SHCBP1L: variants seen among roughly 807,000 people sequenced by gnomAD.
The protein encoded by SHCBP1L is testicular spindle-associated protein SHCBP1L.
A neutral mutation model predicts 62.5 loss-of-function variants in SHCBP1L; 67 were observed. The ratio of observed to expected loss-of-function variants is 1.07; its 90% confidence interval spans 0.88 to 1.31. The LOEUF (loss-of-function observed/expected upper bound fraction) is 1.31, where lower values mean the gene tolerates loss of function less well. Among genes scored for constraint, SHCBP1L ranks in the 40% most tolerant of loss-of-function variants. The pLI, the probability that SHCBP1L is intolerant of heterozygous loss-of-function variation, is 0.00. For missense variants in SHCBP1L, 823 were observed against 809.8 expected (o/e 1.02, Z -0.20); for synonymous variants, 284 against 289.4 (o/e 0.98, Z 0.19).
intron 6 of SHCBP1L, among the ~76,000 whole-genome samples, chr1:182,922,515 C>T (rs1231756038): frequency 6.6e-6 from 1 of 150,916 alleles, no homozygotes; most frequent in East Asian, 1.9e-4. Flanking sequence ...GATCATGCCA[C>T]TGCACTCCAG....
intron 6 of SHCBP1L, among the ~76,000 whole-genome samples, chr1:182,919,629 G>A (rs1460121924): frequency 6.6e-6 from 1 of 152,124 alleles, no homozygotes; most frequent in Non-Finnish European, 1.5e-5. Flanking sequence ...AAAAGCCTAG[G>A]CACCATGCAT....
intron 6 of SHCBP1L, among the ~76,000 whole-genome samples, chr1:182,926,345 T>C (rs1223574063): frequency 6.6e-6 from 1 of 152,206 alleles, no homozygotes; most frequent in South Asian, 2.1e-4. Context: ...TTTTCAGACA[T>C]GGTTATCACC....
chr1:182,904,332 A>G lies in SHCBP1L; in HGVS notation c.1435T>C (p.Leu479=). The part of the protein sequence containing the change: ...ADNVKLMHLS[L]IQQGTVDGIV... ...CCATCAACCGTCCCTTGTTGTATCA[A>G]AGATAGATGCATTAGTTTCACATTG... The change falls in exon 8 of 10, where the codon TTG becomes CTG. Residue 479 remains leucine, a synonymous_variant. Transcript: ENST00000367547. 1.2e-6 allele frequency: 2 copies of G among 1,614,202 alleles called. No individual in the cohort carries two copies. The highest frequency in any genetic ancestry group is 2.2e-5 in the South Asian group (2 of 91,088).
intron 6 of SHCBP1L, among the ~76,000 whole-genome samples, chr1:182,906,887 G>T (rs997258628): frequency 1.3e-5 from 2 of 149,226 alleles, no homozygotes; most frequent in African/African-American, 4.9e-5. Flanking sequence ...GCACGATCAT[G>T]GCTCACTGCA....
intron 2 of SHCBP1L, chr1:182,950,500 C>A (rs1651710839): frequency 6.6e-6 from 1 of 151,768 alleles, no homozygotes; most frequent in African/African-American, 2.4e-5. Context: ...ACCAGCCTGG[C>A]CAACAGGGTT....
chr1:182,906,788 A>G (rs753371338), intron 6 of SHCBP1L, among the ~76,000 whole-genome samples: 51 of 152,140 alleles, frequency 3.4e-4, no homozygotes, highest in Admixed American at 5.9e-4. Flanking sequence ...GAGGAGATAA[A>G]TTTGTTATTA....
rs751667081 is a variant in SHCBP1L, at chr1:182,951,316, A to C, written c.555+2T>G. On this transcript the variant is annotated splice_donor_variant, in intron 2 of 9. Transcript: ENST00000367547. LOFTEE classifies it high-confidence loss of function. Reference sequence around the variant, plus strand: ...AACAAAGATCAAATAAAATTTATTTACCTCAACCAATATACCAACAAAAGG... The same window carrying C: ...AACAAAGATCAAATAAAATTTATTTCCCTCAACCAATATACCAACAAAAGG... The C allele has an allele frequency of 2.6e-6, 4 of 1,536,706 alleles. No homozygotes were observed. Among genetic ancestry groups the C allele is most frequent in the Non-Finnish European group, 3.5e-6 (4 of 1,143,210 alleles).
intron 6 of SHCBP1L, among the ~76,000 whole-genome samples, chr1:182,919,443 G>A (rs1650459187): frequency 6.6e-6 from 1 of 152,062 alleles, no homozygotes; most frequent in African/African-American, 2.4e-5. Flanking sequence ...CATTTGTGAG[G>A]GCCCTATCCT....
Position 182,939,509 on chromosome 1 carries a change from C to T in SHCBP1L, c.815G>A (p.Ser272Asn). The T allele has an allele frequency of 1.2e-6, 2 of 1,608,840 alleles. No homozygotes were observed. The highest frequency in any genetic ancestry group is 2.2e-5 in the East Asian group (1 of 44,704). ...AATAAGTGCAGTATAATTCTCACAA[C>T]TTTCTTCATCATCCCAGTCTCTCCA... ...FLWRDWDDEESCENYTALIEE... is the reference protein window; with the variant it reads ...FLWRDWDDEENCENYTALIEE... Residue 272 changes from serine (S) to asparagine (N), a missense_variant, in exon 4 of 10, where the codon AGT (serine) becomes AAT (asparagine). Coordinates refer to ENST00000367547, the MANE Select transcript of SHCBP1L (RefSeq NM_030933.4).
In SHCBP1L at chr1:182,940,393, C is replaced by A. The variant is rs1312466588; in HGVS notation, c.706G>T (p.Val236Leu). 1.2e-6 allele frequency: 2 copies of A among 1,613,998 alleles called. No individual in the cohort carries two copies. The highest frequency in any genetic ancestry group is 1.7e-5 in the Admixed American group (1 of 60,008). Residue 236 changes from valine to leucine, a missense_variant, in exon 3 of 10, where the codon GTG becomes TTG. Physicochemically the swap from Val to Leu is conservative, Grantham distance 32 (BLOSUM62 1). Transcript: ENST00000367547. ...GTATCTTGTCCCTCAACAGGATACA[C>A]TTCCAAAAGAGGCACACTGTGTTCC... ...ELEHSVPLLEVYPVEGQDTDI... is the reference protein window; with the variant it reads ...ELEHSVPLLELYPVEGQDTDI...
At chr1:182,909,882 TA>T (rs1650126537) in intron 6 of SHCBP1L, among the ~76,000 whole-genome samples, 1 of 152,224 alleles carries the variant, frequency 6.6e-6, no homozygotes, top group African/African-American at 2.4e-5. Flanking sequence ...TTTTCAGTGA[TA>T]TTCTGCAGAC....
In SHCBP1L at chr1:182,924,797, A is replaced by AGAGAGAAAGGAAGGAAGGAAGG. The variant is rs1557996930; in HGVS notation, c.1182+4849_1182+4850insCCTTCCTTCCTTCCTTTCTCTC. Among the ~76,000 whole-genome samples the AGAGAGAAAGGAAGGAAGGAAGG allele has an allele frequency of 4.9e-5, 6 of 122,830 alleles. 1 individual carries two copies. The highest frequency in any genetic ancestry group is 2.6e-4 in the African/African-American group (6 of 22,776). The allele number at this position is 122,830 out of a possible 152,430, so 80.6% of individuals were successfully genotyped here. A position where few individuals can be genotyped will look rare whatever the true frequency, so the allele number is the denominator to read the frequency against. On this transcript the variant is annotated intron_variant, in intron 6 of 9. Transcript: ENST00000367547. The stretch of plus-strand genomic sequence containing the variant: ...GAAAGAAAGAAAGAAAGAGAGAAAG[A>AGAGAGAAAGGAAGGAAGGAAGG]AAGGAAGGAAGGAAGGAGGGAAGAG...
At chr1:182,936,130 G>GTTTTT (rs71127329) in intron 5 of SHCBP1L, among the ~76,000 whole-genome samples, 51 of 63,936 alleles carry the variant, frequency 8.0e-4, no homozygotes, top group Non-Finnish European at 1.2e-3. Context: ...TTTGTTTTTT[G>GTTTTT]TTTTTTTTTT....
rs1444826002 is a variant in SHCBP1L at position 182,930,687 on chromosome 1, G to A, written c.1077-935C>T. 1.6e-3 allele frequency among the ~76,000 whole-genome samples: 129 copies of A among 79,000 alleles called. 3 individuals carry two copies. Among genetic ancestry groups the A allele is most frequent in the African/African-American group, 8.3e-3 (108 of 12,958 alleles). The allele number at this position is 79,000 out of a possible 152,430, so 51.8% of individuals were successfully genotyped here. ...TGTGTGTGTGTGTGTGTGTGTGTGT[G>A]TGTGTGTGTGTGTGTGTATATATAT... is the stretch of plus-strand genomic sequence containing the variant. On this transcript the variant is annotated intron_variant, in intron 5 of 9. Transcript: ENST00000367547.
intron 7 of SHCBP1L, among the ~76,000 whole-genome samples, chr1:182,904,760 C>CT (rs1649958485): frequency 1.1e-5 from 1 of 88,760 alleles, no homozygotes; most frequent in Non-Finnish European, 2.0e-5. Flanking sequence ...ATAGTGTAAT[C>CT]TTTTTCTTTT....
intron 6 of SHCBP1L, among the ~76,000 whole-genome samples, chr1:182,921,730 AC>A (rs1272499296): frequency 6.6e-6 from 1 of 152,130 alleles, no homozygotes; most frequent in African/African-American, 2.4e-5. Context: ...ACATGGCAAA[AC>A]CCCATCTCTA....
At chr1:182,926,246 A>G (rs1193835470) in intron 6 of SHCBP1L, among the ~76,000 whole-genome samples, 4 of 152,242 alleles carry the variant, frequency 2.6e-5, no homozygotes, top group Admixed American at 2.6e-4. Flanking sequence ...AATAACTGAG[A>G]GCACACTGTC....
At chr1:182,938,031 G>C (rs571951332) in intron 5 of SHCBP1L, among the ~76,000 whole-genome samples, 1 of 152,158 alleles carries the variant, frequency 6.6e-6, no homozygotes. Flanking sequence ...TGTTTAATGG[G>C]TACTATAGCT....
intron 6 of SHCBP1L, among the ~76,000 whole-genome samples, chr1:182,927,116 T>A (rs1309467131): frequency 9.8e-5 from 12 of 122,580 alleles, no homozygotes; most frequent in African/African-American, 1.3e-4. Flanking sequence ...ATATATATAC[T>A]CTCTCTCTCT....
Sources: gnomAD v4.1 joint callset for allele counts (sites outside exome capture counted in the v4.1 genomes callset) on GRCh38, gnomAD v4.1.1 for gene constraint, MANE v1.5 for transcripts, NCBI Gene and HGNC (gene_info 2026-07-23, HGNC 2026-07-21) for gene names.